GRB2: variants seen among roughly 807,000 people sequenced by gnomAD.
The protein encoded by GRB2 is growth factor receptor-bound protein 2.
Under a neutral mutation model 27.4 loss-of-function variants are expected in GRB2, and 2 were observed. The ratio of observed to expected loss-of-function variants is 0.07; its 90% CI spans 0.03 to 0.23. GRB2 has a LOEUF of 0.23. GRB2 is among the 10% of genes least tolerant of loss of function. The pLI, the probability that GRB2 is intolerant of heterozygous loss-of-function variation, is 1.00. For synonymous variants in GRB2, 94 were observed against 99.6 expected, an observed-to-expected ratio of 0.94 and a Z score of 0.33; for missense variants, 102 against 282.4, an observed-to-expected ratio of 0.36 and a Z score of 4.58.
intron 2 of GRB2, among the ~76,000 whole-genome samples, chr17:75,381,953 A>G (rs905443969): frequency 1.4e-4 from 21 of 151,490 alleles, no homozygotes; most frequent in Admixed American, 1.1e-3. Flanking sequence ...AGATTTTAAA[A>G]GTCCTGGGTT....
chr17:75,353,054 G>A lies in GRB2; in HGVS notation c.79-20257C>T, dbSNP rs533969831. ...CAAAAAATTAGCTGGGCGTGCTGGC[G>A]GGCACCTGTAGTCCCAGCTACTCGG... On this transcript the variant is annotated intron_variant, in intron 2 of 5. Transcript: ENST00000316804. Among the ~76,000 whole-genome samples the A allele has an allele frequency of 2.6e-5, 4 of 151,760 alleles. No homozygotes were observed. The East Asian group carries it at 7.8e-4, about 29-fold the overall frequency.
At chr17:75,368,757 C>A (rs928580847) in intron 2 of GRB2, among the ~76,000 whole-genome samples, 1 of 151,888 alleles carries the variant, frequency 6.6e-6, no homozygotes, top group Non-Finnish European at 1.5e-5. Flanking sequence ...CTGTGTTGCC[C>A]AGGCTGGTCT....
At chr17:75,339,130 CA>C (rs1197006488) in intron 2 of GRB2, 13 of 1,282,548 alleles carry the variant, frequency 1.0e-5, no homozygotes, top group Non-Finnish European at 1.5e-5. Context: ...GAGAAAGGGC[CA>C]AGTGATCCAG....
At chr17:75,328,970 A>AATAAATAC (rs1277463269) in intron 3 of GRB2, among the ~76,000 whole-genome samples, 1 of 151,478 alleles carries the variant, frequency 6.6e-6, no homozygotes, top group Admixed American at 6.6e-5. Context: ...TAAATAAATA[A>AATAAATAC]ATAAGGACAC....
At chr17:75,340,459 A>G (rs2078613162) in intron 2 of GRB2, among the ~76,000 whole-genome samples, 1 of 152,238 alleles carries the variant, frequency 6.6e-6, no homozygotes, top group Non-Finnish European at 1.5e-5. Context: ...ACTTGAAGAC[A>G]AATTTCAAGA....
chr17:75,349,373 C>T (rs1006754430), intron 2 of GRB2, among the ~76,000 whole-genome samples: 4 of 152,188 alleles, frequency 2.6e-5, no homozygotes, highest in African/African-American at 9.7e-5. Context: ...ATAAGACAAG[C>T]TGTCCTCCCT....
At chr17:75,352,079 A>C (rs929507637) in intron 2 of GRB2, among the ~76,000 whole-genome samples, 4 of 152,200 alleles carry the variant, frequency 2.6e-5, no homozygotes, top group African/African-American at 9.6e-5. Context: ...GGCAGGCTAA[A>C]TTAACTACCT....
chr17:75,390,881 T>C (rs1190567778), intron 2 of GRB2, among the ~76,000 whole-genome samples: 2 of 152,228 alleles, frequency 1.3e-5, no homozygotes, highest in Non-Finnish European at 2.9e-5. Flanking sequence ...AGAAGGCATA[T>C]ATATGCCTAT....
chr17:75,371,550 T>C (rs2078856680), intron 2 of GRB2: 1 of 152,028 alleles, frequency 6.6e-6, no homozygotes, highest in Non-Finnish European at 1.5e-5. Flanking sequence ...TACTGTGAAA[T>C]GGAGTAACAA....
chr17:75,356,817 A>AC (rs2145844474), intron 2 of GRB2, among the ~76,000 whole-genome samples: 1 of 152,290 alleles, frequency 6.6e-6, no homozygotes, highest in Non-Finnish European at 1.5e-5. Flanking sequence ...CTTCCAAGAC[A>AC]CATCATTTCC....
At chr17:75,358,236 CA>C (rs2078746981) in intron 2 of GRB2, among the ~76,000 whole-genome samples, 1 of 151,956 alleles carries the variant, frequency 6.6e-6, no homozygotes, top group Non-Finnish European at 1.5e-5. Context: ...ATATTTAAAC[CA>C]AAAATGTGGC....
chr17:75,341,447 TAAAAAA>T (rs61039194), intron 2 of GRB2, among the ~76,000 whole-genome samples: 36 of 110,266 alleles, frequency 3.3e-4, no homozygotes, highest in Non-Finnish European at 4.2e-4. Context: ...GTGACTCCAT[TAAAAAA>T]AAAAAAAAAA....
intron 2 of GRB2, among the ~76,000 whole-genome samples, chr17:75,354,024 A>G (rs2078711887): frequency 1.4e-5 from 1 of 72,866 alleles, no homozygotes. Flanking sequence ...TGGGTGACAG[A>G]GCGAGACTCT....
intron 2 of GRB2, among the ~76,000 whole-genome samples, chr17:75,388,878 T>C (rs2078981496): frequency 6.6e-6 from 1 of 152,166 alleles, no homozygotes; most frequent in African/African-American, 2.4e-5. Flanking sequence ...AGGATCATAA[T>C]CAAAGGGCAT....
chr17:75,336,095 G>T (rs1179643940), intron 2 of GRB2, among the ~76,000 whole-genome samples: 1 of 152,162 alleles, frequency 6.6e-6, no homozygotes, highest in African/African-American at 2.4e-5. Context: ...GTTATTTAAG[G>T]CCAGGATTCT....
At position 75,334,183 on chromosome 17, in the gene GRB2, T is replaced by A. The variant is rs140510955; in HGVS notation, c.79-1386A>T. Among the ~76,000 whole-genome samples the A allele has an allele frequency of 9.0e-3, 1,374 of 152,224 alleles. 24 individuals carry two copies. Among genetic ancestry groups the A allele is most frequent in the African/African-American group, 0.028 (1,156 of 41,524 alleles). ...TTTTTTTAGATTTATTTATTTATTT[T>A]TTTTTGAGACAGAGTCTCGCTCTGT... is the stretch of plus-strand genomic sequence containing the variant. On this transcript the variant is annotated intron_variant, in intron 2 of 5. Transcript: ENST00000316804.
chr17:75,372,358 G>T (rs780970049), intron 2 of GRB2: 1 of 152,346 alleles, frequency 6.6e-6, no homozygotes. Flanking sequence ...GTGCAGACAG[G>T]GAAGGGACTC....
At chr17:75,327,584 T>A (rs541425243) in intron 3 of GRB2, among the ~76,000 whole-genome samples, 72 of 148,090 alleles carry the variant, frequency 4.9e-4, no homozygotes, top group African/African-American at 1.7e-3. Flanking sequence ...TTGGCCAGGC[T>A]GGTCTTGAAC....
intron 4 of GRB2, among the ~76,000 whole-genome samples, chr17:75,324,841 C>T (rs1042685284): frequency 6.6e-6 from 1 of 151,912 alleles, no homozygotes; most frequent in Admixed American, 6.6e-5. Context: ...TTTGGGAGGT[C>T]GAGGTGGGTG....
Sources: gnomAD v4.1 joint callset for allele counts (sites outside exome capture counted in the v4.1 genomes callset) on GRCh38, gnomAD v4.1.1 for gene constraint, MANE v1.5 for transcripts, NCBI Gene and HGNC (gene_info 2026-07-23, HGNC 2026-07-21) for gene names.